CLIC5: variants seen among roughly 807,000 people sequenced by gnomAD.
CLIC5 encodes the protein chloride intracellular channel protein 5.
Under a neutral mutation model 24.7 loss-of-function variants are expected in CLIC5, and 20 were observed. The ratio of observed to expected loss-of-function variants is 0.81; its 90% confidence interval spans 0.57 to 1.18. CLIC5 has a LOEUF of 1.18. Ranked by LOEUF, CLIC5 falls within the 50% of genes most tolerant of loss-of-function variation. CLIC5 has a pLI of 0.00. For missense variants in CLIC5, 341 were observed against 326.1 expected (o/e 1.05, Z -0.35); for synonymous variants, 159 against 135.6 (o/e 1.17, Z -1.20).
intron 1 of CLIC5, among the ~76,000 whole-genome samples, chr6:45,979,125 T>C (rs1765484734): frequency 6.6e-6 from 1 of 152,156 alleles, no homozygotes; most frequent in South Asian, 2.1e-4. Flanking sequence ...GATATAACCT[T>C]GGACAAGTCA....
chr6:46,116,313 T>C, the CLIC5 span, among the ~76,000 whole-genome samples: 127 of 152,310 alleles, frequency 8.3e-4, no homozygotes, highest in Admixed American at 2.1e-3. Context: ...AAGGCTGGCC[T>C]GTGCATTGGT....
intron 5 of CLIC5, chr6:45,911,801 G>T: frequency 1.0e-6 from 1 of 985,400 alleles, no homozygotes; most frequent in Non-Finnish European, 1.2e-6. Context: ...GCAAGGAAAG[G>T]CCTGCAGATG....
chr6:46,085,805 G>T, the CLIC5 span, among the ~76,000 whole-genome samples: 3 of 152,208 alleles, frequency 2.0e-5, no homozygotes, highest in Non-Finnish European at 4.4e-5. Context: ...GTCTGCAGAG[G>T]TTACTGCAGT....
chr6:46,083,409 T>G (rs533295462), upstream of CLIC5, among the ~76,000 whole-genome samples: 48 of 152,364 alleles, frequency 3.2e-4, no homozygotes, highest in Non-Finnish European at 6.0e-4. Context: ...CTTGTGGGCA[T>G]TTAGTGGTAT....
intron 6 of CLIC5, among the ~76,000 whole-genome samples, chr6:45,889,362 T>A (rs1446150819): frequency 6.6e-6 from 1 of 152,200 alleles, no homozygotes; most frequent in Non-Finnish European, 1.5e-5. Flanking sequence ...AATCGTCTTC[T>A]AAAGGCACCA....
At chr6:46,095,039 A>T in the CLIC5 span, among the ~76,000 whole-genome samples, 1 of 152,130 alleles carries the variant, frequency 6.6e-6, no homozygotes, top group African/African-American at 2.4e-5. Context: ...TATGGCTTAC[A>T]CCCTCTGAAG....
chr6:45,939,128 G>A (rs1764039582), intron 4 of CLIC5, among the ~76,000 whole-genome samples: 1 of 151,562 alleles, frequency 6.6e-6, no homozygotes, highest in Non-Finnish European at 1.5e-5. Flanking sequence ...AAAGCTAAGA[G>A]TTCCCTGGCT....
downstream of CLIC5, among the ~76,000 whole-genome samples, chr6:45,896,544 C>G (rs762781046): frequency 6.6e-6 from 1 of 152,178 alleles, no homozygotes; most frequent in Non-Finnish European, 1.5e-5. Context: ...CATGCCTTTT[C>G]CCACAAGGTA....
rs544576215 is a variant in CLIC5 at position 46,069,638 on chromosome 6, C to T, written c.540+10065G>A. ...AGAAAGATTCACAGCTGAATCCTAC[C>T]AGATGTACAAAGAAGAGCTGGTACC... On this transcript the variant is annotated intron_variant, in intron 1 of 5. Transcript: ENST00000185206. 9.2e-5 allele frequency among the ~76,000 whole-genome samples: 14 copies of T among 152,146 alleles called. No homozygotes were observed. In the South Asian group the frequency reaches 2.9e-3, roughly 32 times the overall value.
intron 1 of CLIC5, among the ~76,000 whole-genome samples, chr6:45,968,565 C>A (rs1002327629): frequency 6.6e-6 from 1 of 152,112 alleles, no homozygotes; most frequent in Non-Finnish European, 1.5e-5. Flanking sequence ...TGCCCCAGAC[C>A]AAAGGGCAGG....
chr6:45,978,751 G>A (rs553418927), intron 1 of CLIC5, among the ~76,000 whole-genome samples: 1 of 152,106 alleles, frequency 6.6e-6, no homozygotes. Flanking sequence ...GAAGTCAGGA[G>A]TCCAGCTGAC....
chr6:45,948,539 T>C (rs1209508410), intron 3 of CLIC5, among the ~76,000 whole-genome samples: 2 of 152,238 alleles, frequency 1.3e-5, no homozygotes, highest in African/African-American at 2.4e-5. Context: ...TCACTCTATA[T>C]GTAATATTAT....
At chr6:46,067,677 C>G (rs552028670) in intron 1 of CLIC5, among the ~76,000 whole-genome samples, 3 of 152,120 alleles carry the variant, frequency 2.0e-5, no homozygotes, top group African/African-American at 7.2e-5. Context: ...AAGCACTCAG[C>G]GTACTGGCTT....
chr6:45,962,636 T>TCAGTAGCTG (rs1408390458), intron 1 of CLIC5, among the ~76,000 whole-genome samples: 4 of 152,324 alleles, frequency 2.6e-5, no homozygotes, highest in Non-Finnish European at 5.9e-5. Context: ...ACCTATTAAT[T>TCAGTAGCTG]CAGTAGCTGT....
intron 1 of CLIC5, among the ~76,000 whole-genome samples, chr6:46,056,426 A>C (rs1768256870): frequency 1.3e-5 from 2 of 152,096 alleles, no homozygotes; most frequent in African/African-American, 2.4e-5. Context: ...TGGATGCCAG[A>C]ACCATCTCCA....
At chr6:46,050,373 C>T (rs933093674) in intron 1 of CLIC5, among the ~76,000 whole-genome samples, 3 of 152,108 alleles carry the variant, frequency 2.0e-5, no homozygotes, top group African/African-American at 7.2e-5. Context: ...TTTATAAGGA[C>T]CTTTTAAGAA....
chr6:45,927,462 C>T (rs566193697), intron 4 of CLIC5, among the ~76,000 whole-genome samples: 2 of 152,328 alleles, frequency 1.3e-5, no homozygotes, highest in Admixed American at 6.5e-5. Flanking sequence ...GAAGACAATT[C>T]AGAAGAAACA....
the CLIC5 span, among the ~76,000 whole-genome samples, chr6:46,098,194 C>T: frequency 6.6e-6 from 1 of 152,180 alleles, no homozygotes; most frequent in Admixed American, 6.5e-5. Flanking sequence ...AAAAAATATG[C>T]TATTGAGGGC....
Position 45,958,441 on chromosome 6 carries a change from T to TACACACACACACACACACACACACACAC in CLIC5, c.64-3198_64-3197insGTGTGTGTGTGTGTGTGTGTGTGTGTGT, listed in dbSNP as rs1554151283. ...AGACAATTATATATATATATATATA[T>TACACACACACACACACACACACACACAC]ATATATATATATATATATATATATA... On this transcript the variant is annotated intron_variant, in intron 1 of 5. Coordinates refer to ENST00000339561, the MANE Select transcript of CLIC5 (RefSeq NM_016929.5). Among the ~76,000 whole-genome samples, 129 of 17,924 alleles carry TACACACACACACACACACACACACACAC rather than the reference T, an allele frequency of 7.2e-3. 6 individuals are homozygous for TACACACACACACACACACACACACACAC. The highest frequency in any genetic ancestry group is 0.041 in the South Asian group (26 of 636). The allele number at this position is 17,924 out of a possible 152,430, so 11.8% of individuals were successfully genotyped here.
Sources: gnomAD v4.1 joint callset for allele counts (sites outside exome capture counted in the v4.1 genomes callset) on GRCh38, gnomAD v4.1.1 for gene constraint, MANE v1.5 for transcripts, NCBI Gene and HGNC (gene_info 2026-07-23, HGNC 2026-07-21) for gene names.